The following KLF3 variants were observed in gnomAD, a reference collection of about 807,000 sequenced individuals.
KLF3 encodes KLF transcription factor 3.
In KLF3, 6 loss-of-function variants were observed where a neutral mutation model predicts 32.7. The observed-to-expected ratio is 0.18, with a 90% CI of 0.10 to 0.36. KLF3 has a LOEUF of 0.36. Among genes scored for constraint, KLF3 ranks in the 10% least tolerant of loss-of-function variants. The probability of loss-of-function intolerance (pLI) is 1.00; values close to 1 mark genes in which losing one functional copy is unlikely to be tolerated. For missense variants in KLF3, 338 were observed against 449.7 expected (o/e 0.75, Z 2.25); for synonymous variants, 145 against 172.8 (o/e 0.84, Z 1.26).
rs1721919375 is a variant in KLF3 at position 38,664,355 on chromosome 4, C to T, written c.-146C>T. 1 of 152,062 alleles carries T rather than the reference C, an allele frequency of 6.6e-6. No individual in the cohort carries two copies. Among genetic ancestry groups the T allele is most frequent in the African/African-American group, 2.4e-5 (1 of 41,410 alleles). The allele number at this position is 152,062 out of a possible 1,614,324, so 9.4% of individuals were successfully genotyped here. ...CGTCCCCGTCCCCTGCGGCCGCCAA[C>T]GCCGCCCGGACTGGAGCCCTGACAT... On this transcript the variant is annotated 5_prime_UTR_variant, in exon 1 of 6. The change creates a new upstream start codon in the 5' untranslated region. Coordinates refer to ENST00000261438, the MANE Select transcript of KLF3 (RefSeq NM_016531.6).
chr4:38,674,761 G>A lies in KLF3; in HGVS notation c.-39-5826G>A, dbSNP rs371378462. On this transcript the variant is annotated intron_variant, in intron 1 of 5. Transcript: ENST00000261438. The surrounding 1 kb of genome is among the most constrained non-coding windows in gnomAD (Gnocchi z 4.1). ...TGAGAAGGGAGAACGTCAGAGGCAG[G>A]TCTTGCTCTAACCCCAAGAAACAGG... is the stretch of plus-strand genomic sequence containing the variant. 1.6e-5 allele frequency among the ~76,000 whole-genome samples: 2 copies of A among 122,740 alleles called. No homozygotes were observed. The highest frequency in any genetic ancestry group is 4.2e-4 in the East Asian group (2 of 4,752). The allele number at this position is 122,740 out of a possible 152,430, so 80.5% of individuals were successfully genotyped here. A position where few individuals can be genotyped will look rare whatever the true frequency, so the allele number is the denominator to read the frequency against.
chr4:38,678,880 A>G (rs1273362767), intron 1 of KLF3, among the ~76,000 whole-genome samples: 1 of 152,204 alleles, frequency 6.6e-6, no homozygotes, highest in African/African-American at 2.4e-5. Flanking sequence ...TGAGCACTTA[A>G]ACCAAATTTG....
intron 1 of KLF3, among the ~76,000 whole-genome samples, chr4:38,667,412 G>A (rs1455777602): frequency 1.3e-5 from 2 of 152,192 alleles, no homozygotes; most frequent in African/African-American, 4.8e-5. Flanking sequence ...CACCCATGGA[G>A]TTATCATGTC....
At chr4:38,685,881 T>A (rs1029013718) in intron 2 of KLF3, among the ~76,000 whole-genome samples, 2 of 152,222 alleles carry the variant, frequency 1.3e-5, no homozygotes, top group Non-Finnish European at 1.5e-5. Context: ...CCAGTGTACA[T>A]GATTTATAAT....
At chr4:38,677,909 G>A (rs1215369573) in intron 1 of KLF3, among the ~76,000 whole-genome samples, 1 of 148,914 alleles carries the variant, frequency 6.7e-6, no homozygotes, top group African/African-American at 2.6e-5. Flanking sequence ...GTGTGTGTGT[G>A]TGTGTGTTTT....
intron 1 of KLF3, among the ~76,000 whole-genome samples, chr4:38,668,317 AACTT>A (rs1256205460): frequency 6.6e-6 from 1 of 151,862 alleles, no homozygotes; most frequent in Non-Finnish European, 1.5e-5. Flanking sequence ...TGCTTTTGTA[AACTT>A]ACTTGGGGAT....
chr4:38,680,412 C>T (rs1722483675), intron 1 of KLF3, among the ~76,000 whole-genome samples, 175 bp from the exon 2 acceptor site: 1 of 152,028 alleles, frequency 6.6e-6, no homozygotes, highest in African/African-American at 2.4e-5. Flanking sequence ...CGGGGTTTCA[C>T]CATGTTGGCC....
rs1723177571 is a variant in KLF3 at position 38,700,896 on chromosome 4, T to G, written c.*3633T>G. The G allele has an allele frequency of 6.6e-6, 1 of 152,254 alleles. No individual in the cohort carries two copies. The highest frequency in any genetic ancestry group is 2.1e-4 in the South Asian group (1 of 4,838). 9.4% of individuals were successfully genotyped at this position (152,254 alleles called of 1,614,324 possible). On this transcript the variant is annotated 3_prime_UTR_variant, in exon 6 of 6. Transcript: ENST00000261438. ...GAATGTTTAATGTACCTTCTCTGTT[T>G]CTACTCTGTAGTCCAATGGGAATTC...
rs1209747422 is a variant in KLF3, at chr4:38,699,946, G to A, written c.*2683G>A. On this transcript the variant is annotated 3_prime_UTR_variant, in exon 6 of 6. Coordinates refer to ENST00000261438, the MANE Select transcript of KLF3 (RefSeq NM_016531.6). ...AACATGTTTTAATGATGTGTGTCAT[G>A]TTACTATCAATGGTGATTTCAATCG... The A allele has an allele frequency of 1.3e-5, 2 of 152,204 alleles. No individual in the cohort carries two copies. The highest frequency in any genetic ancestry group is 2.1e-4 in the South Asian group (1 of 4,834). 9.4% of individuals were successfully genotyped at this position (152,204 alleles called of 1,614,324 possible). A position where few individuals can be genotyped will look rare whatever the true frequency, so the allele number is the denominator to read the frequency against.
intron 2 of KLF3, among the ~76,000 whole-genome samples, chr4:38,685,944 C>T (rs1394673853): frequency 1.3e-5 from 2 of 152,042 alleles, no homozygotes; most frequent in Non-Finnish European, 2.9e-5. Flanking sequence ...TAATAATACC[C>T]ATCTTAATAT....
At chr4:38,672,824 A>T (rs543113082) in intron 1 of KLF3, among the ~76,000 whole-genome samples, 1 of 152,160 alleles carries the variant, frequency 6.6e-6, no homozygotes, top group Non-Finnish European at 1.5e-5. Context: ...AGCTGCAGCA[A>T]TGCAGGTGGG....
chr4:38,689,279 A>G (rs1013118482), intron 3 of KLF3, among the ~76,000 whole-genome samples: 4 of 152,156 alleles, frequency 2.6e-5, no homozygotes, highest in African/African-American at 9.7e-5. Flanking sequence ...TGATACCATG[A>G]CATGATTACT....
intron 2 of KLF3, among the ~76,000 whole-genome samples, chr4:38,681,782 GTTGGTAATGACACGC>G (rs1440549393): frequency 6.6e-6 from 1 of 152,216 alleles, no homozygotes; most frequent in African/African-American, 2.4e-5. Flanking sequence ...GTATCTGAAG[GTTGGTAATGACACGC>G]TTGCAAAATT....
chr4:38,695,067 A>G (rs1055144381), intron 5 of KLF3, among the ~76,000 whole-genome samples, 161 bp downstream of exon 5: 1 of 152,224 alleles, frequency 6.6e-6, no homozygotes. Flanking sequence ...AGATATTGCT[A>G]ATGATTTGCC....
chr4:38,692,165 G>A (rs1038133727), intron 4 of KLF3, among the ~76,000 whole-genome samples: 2 of 152,198 alleles, frequency 1.3e-5, no homozygotes, highest in African/African-American at 4.8e-5. Context: ...GCAAACTTAA[G>A]AGGGGCTGTC....
At chr4:38,691,883 C>G (rs1205654825) in intron 4 of KLF3, among the ~76,000 whole-genome samples, 1 of 152,140 alleles carries the variant, frequency 6.6e-6, no homozygotes, top group Admixed American at 6.5e-5. Context: ...AACTAGGCAC[C>G]CAGTACCACT....
chr4:38,680,821 C>T (rs893005216), intron 2 of KLF3, 139 bp downstream of exon 2: 7 of 608,880 alleles, frequency 1.1e-5, no homozygotes, highest in East Asian at 6.3e-5. Context: ...GAGACCGAGG[C>T]GGGAGGATCA....
At chr4:38,686,446 A>C (rs1444557671) in intron 2 of KLF3, among the ~76,000 whole-genome samples, 1 of 141,054 alleles carries the variant, frequency 7.1e-6, no homozygotes, top group Non-Finnish European at 1.5e-5. Context: ...CCTATCTCAA[A>C]AAAAAAAAAA....
rs1723188700 is a variant in KLF3, at chr4:38,701,446, C to T, written c.*4183C>T. ...ACTTTTAGAGTAAAATATCAAGACT[C>T]TCATGTTGGGGAGTGGGGAACGAGG... On this transcript the variant is annotated 3_prime_UTR_variant, in exon 6 of 6. Coordinates refer to ENST00000261438, the MANE Select transcript of KLF3 (RefSeq NM_016531.6). 1.3e-5 allele frequency among the ~76,000 whole-genome samples: 2 copies of T among 152,152 alleles called. No individual in the cohort carries two copies. Among genetic ancestry groups the T allele is most frequent in the Admixed American group, 1.3e-4 (2 of 15,272 alleles).
Sources: gnomAD v4.1 joint callset for allele counts (sites outside exome capture counted in the v4.1 genomes callset) on GRCh38, gnomAD v4.1.1 for gene constraint, Gnocchi (gnomAD v3.1) non-coding constraint, MANE v1.5 for transcripts, NCBI Gene and HGNC (gene_info 2026-07-23, HGNC 2026-07-21) for gene names.